Variants in FAM76A observed in about 807,000 individuals in gnomAD.
FAM76A encodes the protein protein FAM76A.
FAM76A carries 32 observed loss-of-function variants against 46.2 expected under a neutral mutation model. The ratio of observed to expected loss-of-function variants is 0.69; its 90% CI spans 0.52 to 0.93. The LOEUF is 0.93. Among genes scored for constraint, FAM76A ranks in the 40% least tolerant of loss-of-function variants. FAM76A has a pLI of 0.00. For missense variants in FAM76A, 274 were observed against 361.5 expected (o/e 0.76, Z 1.96); for synonymous variants, 137 against 127.0 (o/e 1.08, Z -0.53).
At chr1:27,730,329 G>A (rs1466083808) in intron 2 of FAM76A, 1 of 155,464 alleles carries the variant, frequency 6.4e-6, no homozygotes, top group Non-Finnish European at 1.4e-5. Flanking sequence ...TGGGATTACA[G>A]GCATGTACCA....
chr1:27,731,245 C>T (rs1047665951), intron 2 of FAM76A, among the ~76,000 whole-genome samples: 2 of 145,656 alleles, frequency 1.4e-5, no homozygotes, highest in African/African-American at 5.1e-5. Flanking sequence ...TTGCTGTTGC[C>T]CAGGCTGGAG....
chr1:27,729,949 C>T (rs568429673), intron 2 of FAM76A, among the ~76,000 whole-genome samples: 4 of 152,178 alleles, frequency 2.6e-5, no homozygotes, highest in East Asian at 1.9e-4. Flanking sequence ...CAGGCAACCC[C>T]TGTTCTACTT....
intron 4 of FAM76A, among the ~76,000 whole-genome samples, chr1:27,735,778 T>G (rs2088033917): frequency 6.6e-6 from 1 of 152,190 alleles, no homozygotes; most frequent in Non-Finnish European, 1.5e-5. Context: ...CAGTAGTTAC[T>G]TCACAAACAC....
At chr1:27,756,666 A>G (rs1471952227) in intron 7 of FAM76A, among the ~76,000 whole-genome samples, 3 of 152,092 alleles carry the variant, frequency 2.0e-5, no homozygotes, top group Non-Finnish European at 2.9e-5. Context: ...TAATATCTTC[A>G]GAATAAGACC....
At chr1:27,750,872 T>C (rs1440650110) in intron 6 of FAM76A, among the ~76,000 whole-genome samples, 2 of 152,224 alleles carry the variant, frequency 1.3e-5, no homozygotes, top group East Asian at 3.8e-4. Context: ...AGAAAAGATA[T>C]TAAATGATCA....
At chr1:27,748,195 G>A (rs1355039759) in intron 5 of FAM76A, among the ~76,000 whole-genome samples, 2 of 135,780 alleles carry the variant, frequency 1.5e-5, no homozygotes, top group African/African-American at 2.8e-5. Context: ...GCACAATCTC[G>A]GCTCACTGCA....
intron 4 of FAM76A, chr1:27,740,561 A>C (rs528309303): frequency 2.8e-6 from 3 of 1,084,104 alleles, no homozygotes; most frequent in Admixed American, 1.8e-5. Flanking sequence ...TGAGGACCCC[A>C]GATCTGTGAT....
Position 27,760,839 on chromosome 1 carries a change from T to A in FAM76A, c.*258T>A, listed in dbSNP as rs1486842051. On this transcript the variant is annotated 3_prime_UTR_variant, in exon 9 of 9. Coordinates refer to ENST00000373954, the MANE Select transcript of FAM76A (RefSeq NM_152660.3). ...GGACTTTTCTTTTTCTTCTTCCTCT[T>A]CTCTCTATTTTGGTTCTATTCTTTT... is the stretch of plus-strand genomic sequence containing the variant. 1.0e-5 allele frequency: 2 copies of A among 192,478 alleles called. No homozygotes were observed. Among genetic ancestry groups the A allele is most frequent in the Non-Finnish European group, 2.2e-5 (2 of 91,948 alleles). The allele number at this position is 192,478 out of a possible 1,614,324, so 11.9% of individuals were successfully genotyped here.
chr1:27,744,937 G>A (rs111276803), intron 5 of FAM76A, 126 bp downstream of exon 5: 16 of 832,192 alleles, frequency 1.9e-5, no homozygotes, highest in African/African-American at 1.2e-4. Flanking sequence ...GTACTAGTCT[G>A]TAGGAGGAAG....
At chr1:27,739,314 G>T in intron 4 of FAM76A, 3 of 526,616 alleles carry the variant, frequency 5.7e-6, no homozygotes, top group South Asian at 4.2e-5. Context: ...TCCAAATAAT[G>T]ACTTCAGAAA....
chr1:27,727,800 ATTTTTTTTTT>A (rs10716346), intron 2 of FAM76A, among the ~76,000 whole-genome samples: 1 of 64,560 alleles, frequency 1.5e-5, no homozygotes, highest in Admixed American at 2.2e-4. Flanking sequence ...GATTGCTTAA[ATTTTTTTTTT>A]TTTTTTTTTT....
chr1:27,733,091 C>A (rs1163321755), intron 3 of FAM76A, among the ~76,000 whole-genome samples: 1 of 152,046 alleles, frequency 6.6e-6, no homozygotes, highest in East Asian at 1.9e-4. Flanking sequence ...TGCCACCACA[C>A]CTGGCTGATT....
At chr1:27,759,780 T>TTTTTTTTTTTTG (rs1491150258) in intron 8 of FAM76A, 153 bp downstream of exon 8, 5 of 499,570 alleles carry the variant, frequency 1.0e-5, no homozygotes, top group African/African-American at 8.6e-5. Flanking sequence ...TTTTTTTTTG[T>TTTTTTTTTTTTG]TTTTTTTTTG....
At chr1:27,726,185 G>C (rs1398986044) in intron 1 of FAM76A, 24 bp downstream of exon 1, 25 of 1,266,610 alleles carry the variant, frequency 2.0e-5, no homozygotes, top group Non-Finnish European at 2.4e-5. Context: ...GGCGGCGGCC[G>C]GGAACTGGGG....
At chr1:27,726,269 G>A in intron 1 of FAM76A, 108 bp downstream of exon 1, 1 of 1,019,334 alleles carries the variant, frequency 9.8e-7, no homozygotes, top group Non-Finnish European at 1.3e-6. Flanking sequence ...GGGTGTGGCA[G>A]GCCCGCCAGG....
At chr1:27,748,856 GA>G (rs2088289055) in intron 5 of FAM76A, among the ~76,000 whole-genome samples, 2 of 152,164 alleles carry the variant, frequency 1.3e-5, no homozygotes, top group South Asian at 4.2e-4. Flanking sequence ...TTAAGGCCAA[GA>G]ATTTTTTTTT....
chr1:27,749,273 T>G (rs2088295869), intron 6 of FAM76A, 119 bp downstream of exon 6: 1 of 556,136 alleles, frequency 1.8e-6, no homozygotes, highest in Admixed American at 3.7e-5. Context: ...ATCTTATAAG[T>G]AAGCAGTACT....
At chr1:27,736,815 G>A (rs1467988928) in intron 4 of FAM76A, among the ~76,000 whole-genome samples, 3 of 151,986 alleles carry the variant, frequency 2.0e-5, no homozygotes, top group Non-Finnish European at 2.9e-5. Flanking sequence ...GTTTCACCAT[G>A]TTGGCCAGGC....
At chr1:27,758,815 G>C (rs2088458986) in intron 7 of FAM76A, among the ~76,000 whole-genome samples, 1 of 151,782 alleles carries the variant, frequency 6.6e-6, no homozygotes, top group African/African-American at 2.4e-5. Context: ...ACCACTCCTG[G>C]CCCAGAGTTA....
Sources: allele counts gnomAD v4.1 joint callset (sites outside exome capture counted in the v4.1 genomes callset), GRCh38; gene constraint gnomAD v4.1.1; transcripts MANE v1.5; gene names NCBI Gene and HGNC (gene_info 2026-07-23, HGNC 2026-07-21).